Variants in LSAMP observed in about 807,000 individuals in gnomAD.
LSAMP encodes the protein limbic system associated membrane protein.
LSAMP carries 7 observed loss-of-function variants against 38.6 expected under a neutral mutation model. The observed-to-expected ratio is 0.18, with a 90% confidence interval of 0.10 to 0.34. The LOEUF is 0.34. LSAMP is among the 10% of genes least tolerant of loss of function. LSAMP has a pLI of 1.00. For synonymous variants in LSAMP, 154 were observed against 166.8 expected, an observed-to-expected ratio of 0.92 and a Z score of 0.59; for missense variants, 313 against 420.0, an observed-to-expected ratio of 0.75 and a Z score of 2.23.
At chr3:115,881,203 G>A (rs1033550534) in intron 3 of LSAMP, among the ~76,000 whole-genome samples, 10 of 151,978 alleles carry the variant, frequency 6.6e-5, no homozygotes, top group African/African-American at 1.9e-4. Context: ...TGCTGCTGCC[G>A]CTAAGGGTGG....
chr3:116,158,824 C>T (rs772321754), intron 1 of LSAMP, among the ~76,000 whole-genome samples: 2 of 152,014 alleles, frequency 1.3e-5, no homozygotes, highest in Non-Finnish European at 2.9e-5. Flanking sequence ...ACCAATGACA[C>T]TCTTCACAGG....
intron 1 of LSAMP, among the ~76,000 whole-genome samples, chr3:116,101,820 G>C (rs1277286578): frequency 6.6e-6 from 1 of 152,074 alleles, no homozygotes; most frequent in Admixed American, 6.6e-5. Flanking sequence ...TTCTGTATTT[G>C]GTAGACTTAA....
At chr3:116,285,774 T>G (rs2047187502) in intron 1 of LSAMP, among the ~76,000 whole-genome samples, 1 of 152,192 alleles carries the variant, frequency 6.6e-6, no homozygotes. Context: ...AAGAAATGCC[T>G]TCTTTTTTTT....
intron 5 of LSAMP, 79 bp downstream of exon 5, chr3:115,842,379 C>G: frequency 6.5e-7 from 1 of 1,534,050 alleles, no homozygotes; most frequent in Middle Eastern, 2.1e-4. Context: ...ACTGGCTTGG[C>G]TTTGGCTTTG....
In LSAMP at chr3:115,852,424, C is replaced by T. The variant is rs1935363478; in HGVS notation, c.649+59G>A. The T allele has an allele frequency of 4.6e-6, 7 of 1,533,768 alleles. No homozygotes were observed. The South Asian group carries it at 8.9e-5, about 19-fold the overall frequency. On this transcript the variant is annotated intron_variant, in intron 4 of 6. Transcript: ENST00000490035. ...TTTTGCTAATGGAATCTTTAGAGCT[C>T]ACTGGAGGTAGAGGTGCACCCTGGG...
chr3:116,175,684 T>C (rs1479878722), intron 1 of LSAMP, among the ~76,000 whole-genome samples: 3 of 152,060 alleles, frequency 2.0e-5, no homozygotes, highest in African/African-American at 7.2e-5. Flanking sequence ...ATCATACATA[T>C]TTATATCTTA....
intron 3 of LSAMP, among the ~76,000 whole-genome samples, chr3:115,921,546 C>T (rs1188651070): frequency 2.6e-5 from 4 of 151,902 alleles, no homozygotes; most frequent in Admixed American, 6.6e-5. Flanking sequence ...TATTCTTATA[C>T]ATTTTAACTT....
rs750650629 is a variant in LSAMP at position 116,190,181 on chromosome 3, TC to T, written c.156-103626del. Among the ~76,000 whole-genome samples, 11 of 151,806 alleles carry T rather than the reference TC, an allele frequency of 7.2e-5. No homozygotes were observed. The East Asian group carries it at 1.9e-3, about 27-fold the overall frequency. On this transcript the variant is annotated intron_variant, in intron 1 of 6. Coordinates refer to ENST00000490035, the MANE Select transcript of LSAMP (RefSeq NM_002338.5). ...ATCTTTTTAAGTCTGCTGGATGATC[TC>T]CCCACCTCCATTCCAAATTCCTGGA...
chr3:116,294,149 A>G lies in LSAMP; in HGVS notation c.155+150728T>C, dbSNP rs532805774. Among the ~76,000 whole-genome samples, 284 of 152,232 alleles carry G rather than the reference A, an allele frequency of 1.9e-3. 3 individuals carry two copies. Among genetic ancestry groups the G allele is most frequent in the African/African-American group, 6.6e-3 (275 of 41,532 alleles). On this transcript the variant is annotated intron_variant, in intron 1 of 6. Transcript: ENST00000490035. ...GCCCCTACTACCACCAGGGTGTAAA[A>G]AAGCCAGACCCATAGGTAGCTGGGG... is the stretch of plus-strand genomic sequence containing the variant.
At chr3:116,295,925 A>T (rs1017911085) in intron 1 of LSAMP, among the ~76,000 whole-genome samples, 11 of 152,198 alleles carry the variant, frequency 7.2e-5, no homozygotes, top group African/African-American at 2.2e-4. Context: ...TAGGAAATTT[A>T]TGTACTTGCT....
intron 1 of LSAMP, among the ~76,000 whole-genome samples, chr3:116,273,705 TATAC>T (rs1484370841): frequency 6.2e-5 from 7 of 113,632 alleles, no homozygotes; most frequent in South Asian, 2.4e-4. Context: ...TATATATATA[TATAC>T]ACACACACAC....
chr3:116,127,806 A>T (rs189648392), intron 1 of LSAMP, among the ~76,000 whole-genome samples: 2 of 150,166 alleles, frequency 1.3e-5, no homozygotes, highest in Non-Finnish European at 3.0e-5. Flanking sequence ...TAAAAAAGGG[A>T]CATTTCTATA....
At chr3:115,950,075 G>GACAT (rs998718947) in intron 3 of LSAMP, among the ~76,000 whole-genome samples, 1 of 152,036 alleles carries the variant, frequency 6.6e-6, no homozygotes, top group African/African-American at 2.4e-5. Flanking sequence ...CCATAGAAAG[G>GACAT]ACATAGCTCA....
At chr3:115,889,574 G>A (rs1057108773) in intron 3 of LSAMP, among the ~76,000 whole-genome samples, 15 of 151,856 alleles carry the variant, frequency 9.9e-5, no homozygotes, top group Admixed American at 7.2e-4. Context: ...TCCTGCTTTG[G>A]CCCCCAGTTA....
chr3:116,375,033 A>G (rs2048477068), intron 1 of LSAMP, among the ~76,000 whole-genome samples: 1 of 151,964 alleles, frequency 6.6e-6, no homozygotes, highest in East Asian at 1.9e-4. Flanking sequence ...CCTTTAATAA[A>G]TAAGTCATCT....
chr3:115,894,262 T>A (rs1351825315), intron 3 of LSAMP, among the ~76,000 whole-genome samples: 1 of 151,982 alleles, frequency 6.6e-6, no homozygotes, highest in Non-Finnish European at 1.5e-5. Context: ...TACTCACCAC[T>A]AACAATTCCT....
intron 1 of LSAMP, among the ~76,000 whole-genome samples, chr3:116,239,541 ATAAAT>A (rs1407195906): frequency 2.0e-5 from 3 of 152,246 alleles, no homozygotes; most frequent in African/African-American, 4.8e-5. Context: ...AATTCAGTAA[ATAAAT>A]TAACATGTTG....
chr3:115,849,031 G>A (rs752712623), intron 4 of LSAMP, among the ~76,000 whole-genome samples: 14 of 152,206 alleles, frequency 9.2e-5, no homozygotes, highest in Non-Finnish European at 1.6e-4. Context: ...AACTGAAATT[G>A]AGGAACTGCA....
At chr3:116,269,883 C>T (rs567170194) in intron 1 of LSAMP, among the ~76,000 whole-genome samples, 1 of 152,238 alleles carries the variant, frequency 6.6e-6, no homozygotes, top group African/African-American at 2.4e-5. Flanking sequence ...TATAAGCATA[C>T]CTTATATTGT....
Sources: allele counts gnomAD v4.1 joint callset (sites outside exome capture counted in the v4.1 genomes callset), GRCh38; gene constraint gnomAD v4.1.1; transcripts MANE v1.5; gene names NCBI Gene and HGNC (gene_info 2026-07-23, HGNC 2026-07-21).